Variants in CYFIP2 observed in about 807,000 individuals in gnomAD.
CYFIP2 encodes the protein cytoplasmic FMR1 interacting protein 2, also known as cytoplasmic FMR1-interacting protein 2.
Under a neutral mutation model 158.7 loss-of-function variants are expected in CYFIP2, and 29 were observed. The ratio of observed to expected loss-of-function variants is 0.18; its 90% CI spans 0.14 to 0.25. The LOEUF (loss-of-function observed/expected upper bound fraction) is 0.25. Among genes scored for constraint, CYFIP2 ranks in the 10% least tolerant of loss-of-function variants. CYFIP2 has a pLI of 1.00. For synonymous variants in CYFIP2, 585 were observed against 617.6 expected, an observed-to-expected ratio of 0.95 and a Z score of 0.78; for missense variants, 852 against 1,639.5, an observed-to-expected ratio of 0.52 and a Z score of 8.29.
intron 26 of CYFIP2, chr5:157,375,692 G>C (rs935678657): frequency 6.9e-6 from 1 of 144,714 alleles, no homozygotes; most frequent in Non-Finnish European, 1.5e-5. Flanking sequence ...TTTTATCTGT[G>C]GCCCACGACA....
At chr5:157,309,856 T>C (rs1413611369) in intron 10 of CYFIP2, 22 bp downstream of exon 10, 2 of 1,568,504 alleles carry the variant, frequency 1.3e-6, no homozygotes, top group Non-Finnish European at 1.7e-6. Flanking sequence ...CCGTAATGTC[T>C]CTCGGCTCCC....
chr5:157,291,189 A>G (rs927948383), intron 3 of CYFIP2, among the ~76,000 whole-genome samples: 2 of 152,330 alleles, frequency 1.3e-5, no homozygotes, highest in Admixed American at 6.5e-5. Context: ...GGCATGGCTT[A>G]GGCATCAAAT....
At chr5:157,312,719 G>A (rs1404822059) in intron 11 of CYFIP2, among the ~76,000 whole-genome samples, 1 of 152,184 alleles carries the variant, frequency 6.6e-6, no homozygotes, top group Non-Finnish European at 1.5e-5. Context: ...AGGCCTCGTG[G>A]CCATTAGACC....
rs1057138039 is a variant in CYFIP2, at chr5:157,395,161, G to A, written c.*2161G>A. 9.9e-5 allele frequency: 21 copies of A among 212,554 alleles called. No individual in the cohort carries two copies. The highest frequency in any genetic ancestry group is 1.9e-4 in the Non-Finnish European group (20 of 107,728). 13.2% of individuals were successfully genotyped at this position (212,554 alleles called of 1,614,324 possible). On this transcript the variant is annotated 3_prime_UTR_variant, in exon 31 of 31. Coordinates refer to ENST00000620254, the MANE Select transcript of CYFIP2 (RefSeq NM_001037333.3). ...TCAGGAGACTTGATCCCAGTAGACT[G>A]AGGTCTTCCCTTTCAGCAGAAAGAT...
intron 28 of CYFIP2, among the ~76,000 whole-genome samples, chr5:157,387,847 C>A (rs1394785010): frequency 6.6e-6 from 1 of 152,144 alleles, no homozygotes; most frequent in African/African-American, 2.4e-5. Context: ...TTCTCCAATT[C>A]ATCTTTTTCC....
chr5:157,289,956 A>G (rs1757692004), intron 3 of CYFIP2, among the ~76,000 whole-genome samples: 1 of 152,264 alleles, frequency 6.6e-6, no homozygotes, highest in Non-Finnish European at 1.5e-5. Flanking sequence ...CAAGATAATT[A>G]AAGTTATCTA....
At chr5:157,377,505 C>A (rs1345330043) in intron 26 of CYFIP2, among the ~76,000 whole-genome samples, 1 of 152,144 alleles carries the variant, frequency 6.6e-6, no homozygotes, top group Non-Finnish European at 1.5e-5. Flanking sequence ...CCCATAGACC[C>A]CAGGCATACC....
At chr5:157,268,383 G>C (rs747362511) in intron 1 of CYFIP2, among the ~76,000 whole-genome samples, 2 of 152,220 alleles carry the variant, frequency 1.3e-5, no homozygotes, top group African/African-American at 4.8e-5. Flanking sequence ...GAAGGAAGTA[G>C]ACATGAATTC....
At chr5:157,373,576 TGAG>T (rs1195209489) in intron 26 of CYFIP2, among the ~76,000 whole-genome samples, 2 of 152,196 alleles carry the variant, frequency 1.3e-5, no homozygotes, top group Non-Finnish European at 2.9e-5. Flanking sequence ...CAAATAATTT[TGAG>T]GAGTAGGATG....
rs566287828 is a variant in CYFIP2, at chr5:157,371,559, A to G, written c.3039+9961A>G. ...TTAGGATCATATTGAATCTTTTTAA[A>G]ATATGTACGCGGAATCTTTATGGTA... On this transcript the variant is annotated intron_variant, in intron 26 of 30. Transcript: ENST00000620254. Among the ~76,000 whole-genome samples the G allele has an allele frequency of 7.2e-5, 11 of 152,280 alleles. No individual in the cohort carries two copies. In the South Asian group the frequency reaches 2.3e-3, roughly 32 times the overall value.
intron 5 of CYFIP2, among the ~76,000 whole-genome samples, chr5:157,297,161 C>T (rs372815083): frequency 1.2e-4 from 18 of 152,302 alleles, no homozygotes; most frequent in Admixed American, 3.9e-4. Flanking sequence ...GAGAGGCTGA[C>T]GTGTGATGAC....
At chr5:157,272,595 G>A (rs1029012458) in intron 1 of CYFIP2, among the ~76,000 whole-genome samples, 1 of 152,046 alleles carries the variant, frequency 6.6e-6, no homozygotes. Flanking sequence ...GCTGTTTCTC[G>A]ATTTATCTAT....
chr5:157,311,993 C>A lies in CYFIP2; in HGVS notation c.1110+212C>A, dbSNP rs1305066942. 6.6e-6 allele frequency among the ~76,000 whole-genome samples: 1 copy of A among 152,168 alleles called. No homozygotes were observed. On this transcript the variant is annotated intron_variant, in intron 11 of 30. Coordinates refer to ENST00000620254, the MANE Select transcript of CYFIP2 (RefSeq NM_001037333.3). The surrounding 1 kb of genome is among the most constrained non-coding windows in gnomAD (Gnocchi z 4.7). Reference sequence around the variant, plus strand: ...GCCCTTTGTAAGTTATTCAACATCTCTTTGCTTCAATTTCCTCATCTGTGA... The same window carrying A: ...GCCCTTTGTAAGTTATTCAACATCTATTTGCTTCAATTTCCTCATCTGTGA...
intron 23 of CYFIP2, among the ~76,000 whole-genome samples, chr5:157,346,493 A>G (rs1329848338): frequency 1.3e-5 from 2 of 152,176 alleles, no homozygotes; most frequent in Non-Finnish European, 2.9e-5. Context: ...CCAAGGGAAA[A>G]CAGAGGCAGA....
rs764447254 is a variant in CYFIP2, at chr5:157,307,647, GTGTGTGTGTA to G, written c.796-104_796-95del. The G allele has an allele frequency of 1.5e-3, 918 of 609,242 alleles. 5 individuals are homozygous for G. The highest frequency in any genetic ancestry group is 0.014 in the African/African-American group (743 of 53,354). 37.7% of individuals were successfully genotyped at this position (609,242 alleles called of 1,614,324 possible). ...GTGTGTCTCTACAGGGTGTGTGTGT[GTGTGTGTGTA>G]TGTGTGTGTGTGTGTGTGACACATA... On this transcript the variant is annotated intron_variant, in intron 8 of 30. Coordinates refer to ENST00000620254, the MANE Select transcript of CYFIP2 (RefSeq NM_001037333.3).
chr5:157,334,421 T>C (rs1409877955), intron 21 of CYFIP2, among the ~76,000 whole-genome samples: 1 of 152,158 alleles, frequency 6.6e-6, no homozygotes, highest in Non-Finnish European at 1.5e-5. Flanking sequence ...CTTACCACAA[T>C]AACAAAATTT....
chr5:157,374,144 G>A (rs532576212), intron 26 of CYFIP2, among the ~76,000 whole-genome samples: 13 of 152,148 alleles, frequency 8.5e-5, no homozygotes, highest in Admixed American at 2.6e-4. Flanking sequence ...GTTCACCATG[G>A]CTGTCGATCG....
intron 23 of CYFIP2, chr5:157,345,437 A>C (rs1022722663): frequency 6.6e-6 from 1 of 152,588 alleles, no homozygotes; most frequent in Non-Finnish European, 1.5e-5. Flanking sequence ...TTCCGTTTCT[A>C]AATTCTCCCC....
intron 26 of CYFIP2, among the ~76,000 whole-genome samples, chr5:157,374,297 C>T (rs1765263651): frequency 6.6e-6 from 1 of 152,212 alleles, no homozygotes; most frequent in African/African-American, 2.4e-5. Context: ...TATCCTTCCT[C>T]AGGACATTTC....
Sources: gnomAD v4.1 joint callset for allele counts (sites outside exome capture counted in the v4.1 genomes callset) on GRCh38, gnomAD v4.1.1 for gene constraint, Gnocchi (gnomAD v3.1) non-coding constraint, MANE v1.5 for transcripts, NCBI Gene and HGNC (gene_info 2026-07-23, HGNC 2026-07-21) for gene names.